BCKDHB: variants seen among roughly 807,000 people sequenced by gnomAD.
The protein encoded by BCKDHB is branched chain keto acid dehydrogenase E1 subunit beta.
In BCKDHB, 41 loss-of-function variants were observed where a neutral mutation model predicts 48.5. That is an observed-to-expected ratio of 0.85 (90% CI 0.66 to 1.10). The LOEUF is 1.10. Ranked by LOEUF, BCKDHB falls within the 50% of genes least tolerant of loss-of-function variation. The pLI is 0.00. For missense variants in BCKDHB, 496 were observed against 494.2 expected (o/e 1.00, Z -0.03); for synonymous variants, 201 against 174.8 (o/e 1.15, Z -1.18).
chr6:80,300,434 G>A (rs921921203), intron 9 of BCKDHB, among the ~76,000 whole-genome samples: 4 of 152,148 alleles, frequency 2.6e-5, no homozygotes, highest in Non-Finnish European at 5.9e-5. Context: ...TAATGATAAA[G>A]GGTACAATCC....
At chr6:80,365,444 G>T in the BCKDHB span, among the ~76,000 whole-genome samples, 1 of 151,958 alleles carries the variant, frequency 6.6e-6, no homozygotes, top group Admixed American at 6.6e-5. Flanking sequence ...CTTTCCCAGG[G>T]TATTAATATT....
At position 80,200,365 on chromosome 6, in the gene BCKDHB, TA is replaced by T. The variant is rs1434971693; in HGVS notation, c.743-567del. 5.3e-5 allele frequency among the ~76,000 whole-genome samples: 8 copies of T among 152,128 alleles called. No homozygotes were observed. In the South Asian group the frequency reaches 1.2e-3, roughly 24 times the overall value. On this transcript the variant is annotated intron_variant, in intron 6 of 9. Transcript: ENST00000320393. ...CTGATTGATGAAGTGTTCATAGATCTAAGGTGAAAAAATACAATCTACTTTA... is the reference window on the plus strand; with the variant it reads ...CTGATTGATGAAGTGTTCATAGATCTAGGTGAAAAAATACAATCTACTTTA...
the BCKDHB span, among the ~76,000 whole-genome samples, chr6:80,391,543 G>A: frequency 3.3e-5 from 5 of 152,160 alleles, no homozygotes; most frequent in Non-Finnish European, 7.3e-5. Flanking sequence ...AAGAGGCAAC[G>A]AGTAGGTTAT....
intron 6 of BCKDHB, among the ~76,000 whole-genome samples, chr6:80,199,298 T>C (rs576199397): frequency 2.0e-5 from 3 of 152,130 alleles, no homozygotes; most frequent in Admixed American, 2.0e-4. Context: ...ATTGTTAACA[T>C]TGGTTACTTC....
the BCKDHB span, among the ~76,000 whole-genome samples, chr6:80,409,624 A>G: frequency 3.8e-5 from 3 of 78,404 alleles, no homozygotes; most frequent in East Asian, 3.9e-4. Flanking sequence ...ATATATATAT[A>G]TATATATGAT....
At chr6:80,424,330 G>A in the BCKDHB span, among the ~76,000 whole-genome samples, 134,593 of 152,184 alleles carry the variant, frequency 0.88, 59,853 homozygotes, top group East Asian at 0.94. Flanking sequence ...TAAGTTAAAG[G>A]TCTCTAAAGT....
chr6:80,167,670 A>AT lies in BCKDHB; in HGVS notation c.344-4dup. ...CCACATTAACCTTTTTTTCTTTTCT[A>AT]TTTTAAGGAAAAGATAGAGTTTTTA... is the stretch of plus-strand genomic sequence containing the variant. On this transcript the variant is annotated splice_region_variant and splice_polypyrimidine_tract_variant and intron_variant, in intron 3 of 9. Transcript: ENST00000320393. The AT allele has an allele frequency of 6.2e-7, 1 of 1,602,230 alleles. No individual in the cohort carries two copies. Among genetic ancestry groups the AT allele is most frequent in the Non-Finnish European group, 8.5e-7 (1 of 1,169,722 alleles).
chr6:80,450,577 G>T, the BCKDHB span, among the ~76,000 whole-genome samples: 1 of 152,108 alleles, frequency 6.6e-6, no homozygotes, highest in Non-Finnish European at 1.5e-5. Context: ...AATCTCAGAG[G>T]CACTCCCGTA....
intron 9 of BCKDHB, among the ~76,000 whole-genome samples, chr6:80,336,486 C>CAAAAAAAAAAAAA (rs145593158): frequency 1.5e-5 from 2 of 134,812 alleles, no homozygotes; most frequent in Admixed American, 7.6e-5. Context: ...GAAATCTTAG[C>CAAAAAAAAAAAAA]AAAAAAAACC....
chr6:80,340,844 A>G (rs149977781), intron 9 of BCKDHB, among the ~76,000 whole-genome samples: 52 of 152,242 alleles, frequency 3.4e-4, no homozygotes, highest in Non-Finnish European at 6.5e-4. Context: ...TTCTGCATGA[A>G]AACACTGAGG....
chr6:80,121,376 G>A (rs1417811960), intron 1 of BCKDHB, among the ~76,000 whole-genome samples: 2 of 152,164 alleles, frequency 1.3e-5, no homozygotes, highest in Admixed American at 6.6e-5. Context: ...GAACTTTAAA[G>A]TAGTTTTTTC....
At chr6:80,161,960 T>C (rs1269000682) in intron 3 of BCKDHB, among the ~76,000 whole-genome samples, 2 of 152,182 alleles carry the variant, frequency 1.3e-5, no homozygotes, top group African/African-American at 2.4e-5. Context: ...CCTTTCTTTC[T>C]TTTACATCCA....
chr6:80,428,490 A>G, the BCKDHB span, among the ~76,000 whole-genome samples: 4 of 152,146 alleles, frequency 2.6e-5, no homozygotes, highest in South Asian at 2.1e-4. Context: ...TCCCACCAAC[A>G]GTGTGAAAGT....
the BCKDHB span, among the ~76,000 whole-genome samples, chr6:80,403,428 T>C: frequency 4.6e-5 from 7 of 152,080 alleles, no homozygotes; most frequent in South Asian, 1.5e-3. Flanking sequence ...TGTATGTTGA[T>C]TTTGTATTCT....
intron 6 of BCKDHB, among the ~76,000 whole-genome samples, chr6:80,177,495 T>G (rs569505839): frequency 6.6e-6 from 1 of 152,022 alleles, no homozygotes; most frequent in Non-Finnish European, 1.5e-5. Context: ...AGAGGTTGAA[T>G]GTAGAGGGAT....
At chr6:80,162,865 A>C (rs1772385999) in intron 3 of BCKDHB, among the ~76,000 whole-genome samples, 4 of 151,896 alleles carry the variant, frequency 2.6e-5, no homozygotes, top group African/African-American at 7.3e-5. Flanking sequence ...AAAAAAACCC[A>C]AAACTCTCTT....
At chr6:80,418,950 G>C in the BCKDHB span, among the ~76,000 whole-genome samples, 1 of 152,206 alleles carries the variant, frequency 6.6e-6, no homozygotes. Flanking sequence ...GCACTGGCAG[G>C]TGCAGGTCCG....
At chr6:80,145,082 A>G (rs1178112127) in intron 3 of BCKDHB, among the ~76,000 whole-genome samples, 2 of 152,046 alleles carry the variant, frequency 1.3e-5, no homozygotes, top group Non-Finnish European at 1.5e-5. Context: ...CCCTTCTGCT[A>G]TTGTTTGTGT....
At chr6:80,148,817 T>C (rs1051499458) in intron 3 of BCKDHB, among the ~76,000 whole-genome samples, 2 of 152,074 alleles carry the variant, frequency 1.3e-5, no homozygotes, top group South Asian at 4.2e-4. Flanking sequence ...CAAAAATTAA[T>C]TCAAGATGGA....
Sources: gnomAD v4.1 joint callset for allele counts (sites outside exome capture counted in the v4.1 genomes callset) on GRCh38, gnomAD v4.1.1 for gene constraint, MANE v1.5 for transcripts, NCBI Gene and HGNC (gene_info 2026-07-23, HGNC 2026-07-21) for gene names.